The following KALRN variants were observed in gnomAD, a reference collection of about 807,000 sequenced individuals.
KALRN encodes kalirin RhoGEF kinase, also known as kalirin.
In KALRN, 70 loss-of-function variants were observed where a neutral mutation model predicts 353.7. The observed-to-expected ratio is 0.20, with a 90% CI of 0.16 to 0.24. The LOEUF is 0.24. Ranked by LOEUF, KALRN falls within the 10% of genes least tolerant of loss-of-function variation. KALRN has a pLI of 1.00. For synonymous variants in KALRN, 1,391 were observed against 1,434.8 expected (o/e 0.97, Z 0.69); for missense variants, 2,791 against 3,756.7 (o/e 0.74, Z 6.72).
chr3:124,377,914 T>C (rs2086809529), intron 10 of KALRN, among the ~76,000 whole-genome samples: 1 of 152,160 alleles, frequency 6.6e-6, no homozygotes, highest in Non-Finnish European at 1.5e-5. Flanking sequence ...TCTGTCCTTT[T>C]ACTCTTACCC....
At chr3:124,384,802 G>T in intron 10 of KALRN, 43 bp from the exon 11 acceptor site, 2 of 1,531,654 alleles carry the variant, frequency 1.3e-6, no homozygotes, top group East Asian at 4.6e-5. Flanking sequence ...CTGCTGGAAG[G>T]CGCGACTGCA....
chr3:124,140,044 G>C (rs2066435285), intron 1 of KALRN, among the ~76,000 whole-genome samples: 1 of 152,128 alleles, frequency 6.6e-6, no homozygotes, highest in South Asian at 2.1e-4. Flanking sequence ...TATCTCTCTT[G>C]TGACTTCTTT....
intron 34 of KALRN, among the ~76,000 whole-genome samples, chr3:124,589,477 C>T (rs13098323): frequency 0.29 from 44,567 of 151,850 alleles, 7,226 homozygotes; most frequent in Middle Eastern, 0.4. Flanking sequence ...CCTGTAGTCC[C>T]AGCTACTCGG....
At chr3:124,096,429 C>T (rs574769606) in intron 1 of KALRN, among the ~76,000 whole-genome samples, 8 of 152,194 alleles carry the variant, frequency 5.3e-5, no homozygotes, top group East Asian at 1.9e-4. Context: ...ATATAATAAC[C>T]GGGAACTAAG....
At chr3:124,313,573 A>C (rs1215362875) in intron 6 of KALRN, among the ~76,000 whole-genome samples, 1 of 152,188 alleles carries the variant, frequency 6.6e-6, no homozygotes, top group Non-Finnish European at 1.5e-5. Context: ...CTAGACCCAA[A>C]GGAGAGAAGG....
At chr3:124,212,557 T>C (rs2076991659) in intron 1 of KALRN, among the ~76,000 whole-genome samples, 1 of 152,192 alleles carries the variant, frequency 6.6e-6, no homozygotes, top group South Asian at 2.1e-4. Flanking sequence ...TGGGGCCACA[T>C]TAAAAAGTAT....
chr3:124,445,069 G>A (rs79231192), intron 19 of KALRN, among the ~76,000 whole-genome samples: 2,742 of 152,172 alleles, frequency 0.018, 41 homozygotes, highest in East Asian at 0.076. Flanking sequence ...AACAACTCAG[G>A]CTCTGAAGTC....
intron 59 of KALRN, among the ~76,000 whole-genome samples, chr3:124,718,367 C>A (rs1011918440): frequency 6.6e-6 from 1 of 152,106 alleles, no homozygotes; most frequent in South Asian, 2.1e-4. Context: ...GCGATCCACC[C>A]GCCTTGGCCA....
chr3:124,432,049 GAC>G (rs1560920347), intron 16 of KALRN, among the ~76,000 whole-genome samples: 1 of 152,158 alleles, frequency 6.6e-6, no homozygotes, highest in East Asian at 1.9e-4. Context: ...GTAGCTTTCT[GAC>G]ACACTGAAAT....
intron 57 of KALRN, among the ~76,000 whole-genome samples, chr3:124,702,427 A>G (rs1272305178): frequency 2.0e-5 from 3 of 152,192 alleles, no homozygotes; most frequent in African/African-American, 7.2e-5. Context: ...CTTATAAGTT[A>G]TATGTAGTTG....
chr3:124,300,960 A>C (rs2077218446), intron 6 of KALRN, among the ~76,000 whole-genome samples: 1 of 152,180 alleles, frequency 6.6e-6, no homozygotes, highest in African/African-American at 2.4e-5. Flanking sequence ...AAGAACGTGA[A>C]CTCAAATCTA....
intron 18 of KALRN, among the ~76,000 whole-genome samples, chr3:124,440,099 G>A (rs1027674520): frequency 1.3e-5 from 2 of 151,500 alleles, no homozygotes; most frequent in South Asian, 2.1e-4. Context: ...TCTGGTATCC[G>A]CACCTATATG....
At chr3:124,583,668 C>T (rs2074838507) in intron 34 of KALRN, among the ~76,000 whole-genome samples, 1 of 152,030 alleles carries the variant, frequency 6.6e-6, no homozygotes, top group Non-Finnish European at 1.5e-5. Context: ...TCCTCAAAGA[C>T]AAGTCAAGGG....
chr3:124,679,900 G>T (rs1018789947), intron 51 of KALRN, among the ~76,000 whole-genome samples: 2 of 152,188 alleles, frequency 1.3e-5, no homozygotes, highest in African/African-American at 2.4e-5. Context: ...CTCATTTCGT[G>T]TTTAGTTTCT....
At chr3:124,114,599 C>T (rs904912599) in intron 1 of KALRN, among the ~76,000 whole-genome samples, 2 of 152,200 alleles carry the variant, frequency 1.3e-5, no homozygotes, top group African/African-American at 2.4e-5. Context: ...ACACTGGTGT[C>T]CTCACAGAGG....
At chr3:124,040,757 C>T (rs1338067685) in intron 1 of KALRN, among the ~76,000 whole-genome samples, 3 of 152,216 alleles carry the variant, frequency 2.0e-5, no homozygotes, top group Non-Finnish European at 2.9e-5. Flanking sequence ...TATGGAGCAT[C>T]TAGTGGTCTC....
At chr3:124,620,684 G>C (rs1245175869) in intron 34 of KALRN, among the ~76,000 whole-genome samples, 1 of 152,154 alleles carries the variant, frequency 6.6e-6, no homozygotes, top group Non-Finnish European at 1.5e-5. Context: ...CAGCTAGATG[G>C]GGCAGTGAGT....
At chr3:124,481,444 T>C (rs2061975092) in intron 27 of KALRN, among the ~76,000 whole-genome samples, 1 of 152,220 alleles carries the variant, frequency 6.6e-6, no homozygotes, top group Non-Finnish European at 1.5e-5. Flanking sequence ...TGGATACAAG[T>C]GATCCTCCCG....
chr3:124,301,369 A>G (rs898144393), intron 6 of KALRN, among the ~76,000 whole-genome samples: 2 of 152,188 alleles, frequency 1.3e-5, no homozygotes, highest in Non-Finnish European at 2.9e-5. Flanking sequence ...GAGAGAAGAG[A>G]AGAGATTTAG....
Sources: allele counts gnomAD v4.1 joint callset (sites outside exome capture counted in the v4.1 genomes callset), GRCh38; gene constraint gnomAD v4.1.1; transcripts MANE v1.5; gene names NCBI Gene and HGNC (gene_info 2026-07-23, HGNC 2026-07-21).